RPL7A: variants seen among roughly 807,000 people sequenced by gnomAD.
RPL7A encodes the protein ribosomal protein L7a, also known as large ribosomal subunit protein eL8.
For synonymous variants in RPL7A, 158 were observed against 128.2 expected (o/e 1.23, Z -1.57); for missense variants, 291 against 338.2 (o/e 0.86, Z 1.09).
At chr9:133,349,294 C>G in intron 2 of RPL7A, 1 of 764,510 alleles carries the variant, frequency 1.3e-6, no homozygotes. Flanking sequence ...GTAGCAGTGT[C>G]GCAGCGAGGT....
rs1307435123 is a variant in RPL7A at position 133,349,715 on chromosome 9, C to T, written c.274+15C>T. ...CCGCCAAACAGGTGAGGTTCTGTGG[C>T]GTGGAAAGGAGTTTCTCAGGCAAGG... On this transcript the variant is annotated intron_variant, in intron 3 of 7. Transcript: ENST00000323345. The T allele has an allele frequency of 1.2e-5, 19 of 1,612,284 alleles. No individual in the cohort carries two copies. The highest frequency in any genetic ancestry group is 4.5e-5 in the East Asian group (2 of 44,870).
intron 3 of RPL7A, 92 bp downstream of exon 3, chr9:133,349,792 T>C: frequency 6.3e-7 from 1 of 1,582,084 alleles, no homozygotes; most frequent in Non-Finnish European, 8.6e-7. Flanking sequence ...CTTCTTGAAC[T>C]GCAGTTGTCA....
In RPL7A at chr9:133,351,361, G is replaced by A; in HGVS notation, c.796G>A (p.Gly266Ser). ...AKAKELATKLG is the reference protein window; with the variant it reads ...AKAKELATKLS ...GGCTAAAGAACTTGCCACTAAACTGGGTTAAATGTACACTGTTGAGTTTTC... is the reference window on the plus strand; with the variant it reads ...GGCTAAAGAACTTGCCACTAAACTGAGTTAAATGTACACTGTTGAGTTTTC... Residue 266 changes from glycine to serine, a missense_variant, in exon 8 of 8, where the codon GGT (glycine) becomes AGT (serine). Gly to Ser is a moderately conservative substitution (Grantham distance 56). Transcript: ENST00000323345. The A allele has an allele frequency of 1.3e-6, 2 of 1,598,370 alleles. No homozygotes were observed. The highest frequency in any genetic ancestry group is 1.7e-6 in the Non-Finnish European group (2 of 1,167,740).
chr9:133,348,423 C>CA, intron 1 of RPL7A, 177 bp downstream of exon 1: 1 of 884,450 alleles, frequency 1.1e-6, no homozygotes, highest in Non-Finnish European at 1.8e-6. Flanking sequence ...GGCACGGAGA[C>CA]ATTGAGATGG....
At chr9:133,348,704 G>T (rs2129980134) in intron 1 of RPL7A, 1 of 755,122 alleles carries the variant, frequency 1.3e-6, no homozygotes, top group Non-Finnish European at 2.3e-6. Context: ...GCTTAGCCTT[G>T]CTCTGGCCAC....
At position 133,350,840 on chromosome 9, in the gene RPL7A, G is replaced by C. The variant is rs2129996432; in HGVS notation, c.626+113G>C. On this transcript the variant is annotated intron_variant, in intron 6 of 7. Transcript: ENST00000323345. ...TTTAGTTTAAGAAATATATTTATCT[G>C]AACTTTTGCCAATGATGGTTAAGAA... 3 of 1,563,746 alleles carry C rather than the reference G, an allele frequency of 1.9e-6. No homozygotes were observed. The African/African-American group carries it at 4.1e-5, about 21-fold the overall frequency.
At chr9:133,350,438 C>T (rs2129993502) in intron 5 of RPL7A, 119 bp downstream of exon 5, 24 of 1,488,358 alleles carry the variant, frequency 1.6e-5, no homozygotes, top group Non-Finnish European at 2.1e-5. Context: ...TGACACAGAT[C>T]CAACACATGC....
At chr9:133,350,980 T>TA in intron 6 of RPL7A, 22 bp from the exon 7 acceptor site, 1 of 1,613,692 alleles carries the variant, frequency 6.2e-7, no homozygotes, top group Non-Finnish European at 8.5e-7. Context: ...AACCCACTTT[T>TA]GTTTCCCCTC....
Position 133,349,137 on chromosome 9 carries a change from T to TA in RPL7A, c.124+98dup. On this transcript the variant is annotated intron_variant, in intron 2 of 7. Coordinates refer to ENST00000323345, the MANE Select transcript of RPL7A (RefSeq NM_000972.3). ...TGTATCTTGTAGGTTTTAGTGGGTG[T>TA]AAAGTGGTCGCAGTCCTTAATTTGT... 2.8e-6 allele frequency: 4 copies of TA among 1,452,078 alleles called. No homozygotes were observed. The South Asian group carries it at 5.0e-5, about 18-fold the overall frequency. The allele number at this position is 1,452,078 out of a possible 1,614,324, so 89.9% of individuals were successfully genotyped here.
rs2129995049 is a variant in RPL7A at position 133,350,617 on chromosome 9, C to A, written c.516C>A (p.Ala172=). Residue 172 remains alanine (A), a synonymous_variant, in exon 6 of 8, where the codon GCC becomes GCA. Transcript: ENST00000323345. ...DPIELVVFLP[A]LCRKMGVPYC... is the part of the protein sequence containing the mutation. The stretch of plus-strand genomic sequence containing the variant: ...TCCAGCTGGTTGTCTTCTTGCCTGC[C>A]CTGTGTCGTAAAATGGGGGTCCCTT... The A allele has an allele frequency of 2.5e-6, 4 of 1,614,018 alleles. No homozygotes were observed. The Admixed American group carries it at 6.7e-5, about 27-fold the overall frequency.
intron 5 of RPL7A, 29 bp downstream of exon 5, chr9:133,350,348 A>G (rs2129992996): frequency 6.8e-6 from 11 of 1,611,178 alleles, no homozygotes; most frequent in Non-Finnish European, 8.5e-6. Context: ...TGCTAACCCA[A>G]GGGCTTCTGG....
chr9:133,350,448 C>G (rs2129993693), intron 5 of RPL7A, 129 bp downstream of exon 5: 356 of 1,491,446 alleles, frequency 2.4e-4, no homozygotes, highest in Non-Finnish European at 3.3e-4. Context: ...CCAACACATG[C>G]GTGGCTCTTG....
At chr9:133,349,215 G>A (rs1397510231) in intron 2 of RPL7A, among the ~76,000 whole-genome samples, 173 bp downstream of exon 2, 2 of 152,194 alleles carry the variant, frequency 1.3e-5, no homozygotes, top group Non-Finnish European at 2.9e-5. Flanking sequence ...ATTGGGAGTT[G>A]CTGAGCGAGC....
chr9:133,350,648 A>G lies in RPL7A; in HGVS notation c.547A>G (p.Ile183Val). ...TCGTAAAATGGGGGTCCCTTACTGC[A>G]TTATCAAGGGAAAGGCAAGACTGGG... Reference protein sequence around the residue: ...LCRKMGVPYCIIKGKARLGRL... With the variant: ...LCRKMGVPYCVIKGKARLGRL... Residue 183 changes from isoleucine (I) to valine (V), a missense_variant, in exon 6 of 8, where the codon ATT (isoleucine) becomes GTT (valine). By Grantham distance (29) the Ile-to-Val change is conservative. Coordinates refer to ENST00000323345, the MANE Select transcript of RPL7A (RefSeq NM_000972.3). The G allele has an allele frequency of 7.4e-6, 12 of 1,614,046 alleles. No homozygotes were observed. The highest frequency in any genetic ancestry group is 1.0e-5 in the Non-Finnish European group (12 of 1,179,974).
At chr9:133,350,450 T>A in intron 5 of RPL7A, 131 bp downstream of exon 5, 1 of 1,501,418 alleles carries the variant, frequency 6.7e-7, no homozygotes, top group East Asian at 2.3e-5. Context: ...AACACATGCG[T>A]GGCTCTTGCA....
rs2129990293 is a variant in RPL7A at position 133,349,979 on chromosome 9, G to C, written c.342G>C (p.Leu114=). The C allele has an allele frequency of 5.6e-6, 9 of 1,612,364 alleles. No individual in the cohort carries two copies. The highest frequency in any genetic ancestry group is 7.6e-6 in the Non-Finnish European group (9 of 1,180,052). The part of the protein sequence containing the change: ...PETKQEKKQR[L]LARAEKKAAG... The stretch of plus-strand genomic sequence containing the variant: ...CAAAGCAAGAGAAGAAGCAGAGACT[G>C]TTGGCCCGGGCCGAGAAGAAGGCTG... The change falls in exon 4 of 8, where the codon CTG becomes CTC. Residue 114 remains leucine (L), a synonymous_variant. Transcript: ENST00000323345.
intron 1 of RPL7A, 181 bp from the exon 2 acceptor site, chr9:133,348,741 T>A (rs2129980468): frequency 1.1e-6 from 1 of 915,102 alleles, no homozygotes; most frequent in East Asian, 2.6e-5. Flanking sequence ...TGCATGCTTG[T>A]GCGGCTGAAT....
At chr9:133,350,470 ATC>A (rs2129993969) in intron 5 of RPL7A, 125 bp from the exon 6 acceptor site, 25 of 1,538,368 alleles carry the variant, frequency 1.6e-5, no homozygotes, top group African/African-American at 8.2e-5. Context: ...AATGATGTGA[ATC>A]TCTCACTGAA....
Position 133,348,255 on chromosome 9 carries a change from G to T in RPL7A, c.3+9G>T, listed in dbSNP as rs2129977281. On this transcript the variant is annotated intron_variant, in intron 1 of 7. Transcript: ENST00000323345. ...TCCCGCCGCCCAAGATGGTGAGTGA[G>T]CTGTAGTTCCGTGGCACTATAGCCA... The T allele has an allele frequency of 1.1e-5, 17 of 1,613,998 alleles. No homozygotes were observed. The highest frequency in any genetic ancestry group is 1.4e-5 in the Non-Finnish European group (16 of 1,179,996).
Sources: gnomAD v4.1 joint callset for allele counts (sites outside exome capture counted in the v4.1 genomes callset) on GRCh38, gnomAD v4.1.1 for gene constraint, MANE v1.5 for transcripts, NCBI Gene and HGNC (gene_info 2026-07-23, HGNC 2026-07-21) for gene names.